CAMK1D: variants seen among roughly 807,000 people sequenced by gnomAD.
The protein encoded by CAMK1D is calcium/calmodulin-dependent protein kinase type 1D.
CAMK1D carries 9 observed loss-of-function variants against 47.7 expected under a neutral mutation model. The observed-to-expected ratio is 0.19, with a 90% CI of 0.11 to 0.33. CAMK1D has a LOEUF of 0.33. Among genes scored for constraint, CAMK1D ranks in the 10% least tolerant of loss-of-function variants. The pLI is 1.00. For synonymous variants in CAMK1D, 184 were observed against 184.9 expected, an observed-to-expected ratio of 0.99 and a Z score of 0.04; for missense variants, 291 against 488.7, an observed-to-expected ratio of 0.60 and a Z score of 3.81.
intron 3 of CAMK1D, among the ~76,000 whole-genome samples, chr10:12,688,554 T>C (rs1037077003): frequency 1.3e-5 from 2 of 152,200 alleles, no homozygotes; most frequent in African/African-American, 2.4e-5. Flanking sequence ...TTGTGAACCC[T>C]AAGATCCACA....
rs1412567195 is a variant in CAMK1D, at chr10:12,787,959, C to T, written c.566-3199C>T. ...AGGTTGCAGTGAGCTGAGATTGTGCCGCTGCACTCCATCTCCAAAAAAAAA... is the reference window on the plus strand; with the variant it reads ...AGGTTGCAGTGAGCTGAGATTGTGCTGCTGCACTCCATCTCCAAAAAAAAA... On this transcript the variant is annotated intron_variant, in intron 5 of 10. Transcript: ENST00000619168. Among the ~76,000 whole-genome samples the T allele has an allele frequency of 9.2e-5, 14 of 152,016 alleles. No homozygotes were observed. The East Asian group carries it at 9.6e-4, about 10-fold the overall frequency.
At chr10:12,765,898 A>G (rs149832797) in intron 4 of CAMK1D, among the ~76,000 whole-genome samples, 1 of 150,322 alleles carries the variant, frequency 6.7e-6, no homozygotes, top group African/African-American at 2.5e-5. Context: ...ACAAAAAACT[A>G]GTTAGGGCTA....
At chr10:12,385,271 T>G (rs1838457822) in intron 1 of CAMK1D, among the ~76,000 whole-genome samples, 1 of 152,106 alleles carries the variant, frequency 6.6e-6, no homozygotes, top group African/African-American at 2.4e-5. Context: ...GAAATGAAAA[T>G]ATGTGCCCAT....
chr10:12,523,718 A>G (rs1320832991), intron 1 of CAMK1D, among the ~76,000 whole-genome samples: 1 of 152,110 alleles, frequency 6.6e-6, no homozygotes, highest in African/African-American at 2.4e-5. Flanking sequence ...TTGGCTGGGC[A>G]TCAGAGGGAG....
At chr10:12,759,177 C>T (rs757244684) in intron 3 of CAMK1D, among the ~76,000 whole-genome samples, 2 of 152,124 alleles carry the variant, frequency 1.3e-5, no homozygotes, top group African/African-American at 4.8e-5. Context: ...GGTGAAACTC[C>T]GTCTCTACTA....
intron 1 of CAMK1D, among the ~76,000 whole-genome samples, chr10:12,547,708 G>A (rs888850974): frequency 4.6e-5 from 5 of 108,886 alleles, no homozygotes; most frequent in Non-Finnish European, 8.7e-5. Flanking sequence ...ACACCACTGT[G>A]TTATGTAATT....
At chr10:12,483,668 A>T (rs1046397034) in intron 1 of CAMK1D, among the ~76,000 whole-genome samples, 6 of 151,432 alleles carry the variant, frequency 4.0e-5, no homozygotes, top group African/African-American at 1.5e-4. Flanking sequence ...CTGGCCTCTA[A>T]AAAAAGAGAT....
intron 3 of CAMK1D, among the ~76,000 whole-genome samples, chr10:12,755,274 C>T (rs373100589): frequency 7.9e-5 from 12 of 152,214 alleles, no homozygotes; most frequent in South Asian, 6.2e-4. Context: ...ACCAAACCTA[C>T]GGAAGTTATG....
At chr10:12,468,229 T>A (rs555162904) in intron 1 of CAMK1D, among the ~76,000 whole-genome samples, 31 of 152,240 alleles carry the variant, frequency 2.0e-4, no homozygotes, top group Non-Finnish European at 1.5e-4. Context: ...CTATTTTTTT[T>A]ATATTTTCTG....
At position 12,568,579 on chromosome 10, in the gene CAMK1D, CAG is replaced by C. The variant is rs1241909997; in HGVS notation, c.224+15226_224+15227del. On this transcript the variant is annotated intron_variant, in intron 2 of 10. Coordinates refer to ENST00000619168, the MANE Select transcript of CAMK1D (RefSeq NM_153498.4). ...AGGGCTAACGCCTAGGCCATGTGCC[CAG>C]AGTCAGCCTTTTTCTTTTTCAGTAT... 6.9e-5 allele frequency among the ~76,000 whole-genome samples: 10 copies of C among 144,612 alleles called. No homozygotes were observed. In the East Asian group the frequency reaches 1.8e-3, roughly 26 times the overall value. 94.9% of individuals were successfully genotyped at this position (144,612 alleles called of 152,430 possible).
At chr10:12,451,520 C>G (rs1833082591) in intron 1 of CAMK1D, among the ~76,000 whole-genome samples, 1 of 152,212 alleles carries the variant, frequency 6.6e-6, no homozygotes, top group Admixed American at 6.5e-5. Flanking sequence ...CCTGGGGCAG[C>G]TCTTTTCCTG....
intron 3 of CAMK1D, among the ~76,000 whole-genome samples, chr10:12,676,051 C>T (rs981354656): frequency 9.9e-5 from 15 of 152,186 alleles, no homozygotes; most frequent in Non-Finnish European, 1.9e-4. Context: ...CTCCCGGGTT[C>T]AAGCGATTCT....
chr10:12,593,556 C>G (rs544402781), intron 2 of CAMK1D, among the ~76,000 whole-genome samples: 2 of 152,190 alleles, frequency 1.3e-5, no homozygotes, highest in Non-Finnish European at 2.9e-5. Context: ...TGCCATTGCA[C>G]TCCAGCCTGG....
chr10:12,596,029 T>C (rs534414618), intron 2 of CAMK1D, among the ~76,000 whole-genome samples: 1 of 151,908 alleles, frequency 6.6e-6, no homozygotes, highest in African/African-American at 2.4e-5. Context: ...GGTTTTGTCT[T>C]CTGGCAAGCA....
At chr10:12,809,373 G>C (rs142299792) in intron 6 of CAMK1D, among the ~76,000 whole-genome samples, 1 of 152,266 alleles carries the variant, frequency 6.6e-6, no homozygotes, top group African/African-American at 2.4e-5. Flanking sequence ...ATTAAAAATA[G>C]AGCTACCATA....
intron 1 of CAMK1D, among the ~76,000 whole-genome samples, chr10:12,356,721 CAAAAAA>C (rs71384311): frequency 6.7e-5 from 5 of 74,984 alleles, no homozygotes; most frequent in South Asian, 4.8e-4. Flanking sequence ...GACTCCATTT[CAAAAAA>C]AAAAAAAAAA....
rs780604934 is a variant in CAMK1D, at chr10:12,549,593, G to T, written c.93-3632G>T. 5.1e-4 allele frequency among the ~76,000 whole-genome samples: 77 copies of T among 152,184 alleles called. 1 individual carries two copies. Among genetic ancestry groups the T allele is most frequent in the Non-Finnish European group, 1.3e-4 (9 of 68,032 alleles). ...TGGAGTTGCATGCTGACTTGCATTC[G>T]CAGAGAATGGGTCTGGAACCTTGGC... On this transcript the variant is annotated intron_variant, in intron 1 of 10. Transcript: ENST00000619168.
intron 1 of CAMK1D, among the ~76,000 whole-genome samples, chr10:12,428,428 T>C (rs1247353210): frequency 2.0e-5 from 3 of 152,212 alleles, no homozygotes; most frequent in Non-Finnish European, 4.4e-5. Flanking sequence ...TTCTCCACGT[T>C]CGACATTCTA....
intron 1 of CAMK1D, among the ~76,000 whole-genome samples, chr10:12,364,328 GC>G (rs1267539534): frequency 7.2e-6 from 1 of 137,978 alleles, no homozygotes; most frequent in Non-Finnish European, 1.5e-5. Flanking sequence ...TGCAACCTCC[GC>G]CTTCTGGGTT....
Sources: allele counts gnomAD v4.1 joint callset (sites outside exome capture counted in the v4.1 genomes callset), GRCh38; gene constraint gnomAD v4.1.1; transcripts MANE v1.5; gene names NCBI Gene and HGNC (gene_info 2026-07-23, HGNC 2026-07-21).